Variants in CLP1 observed in about 807,000 individuals in gnomAD.
CLP1 encodes cleavage factor polyribonucleotide kinase subunit 1, also known as polyribonucleotide 5'-hydroxyl-kinase Clp1.
In CLP1, 18 loss-of-function variants were observed where a neutral mutation model predicts 29.9. The observed-to-expected ratio is 0.60, with a 90% CI of 0.42 to 0.89. The LOEUF (loss-of-function observed/expected upper bound fraction) is 0.89. Ranked by LOEUF, CLP1 falls within the 40% of genes least tolerant of loss-of-function variation. CLP1 has a pLI of 0.00. For missense variants in CLP1, 357 were observed against 544.8 expected (o/e 0.66, Z 3.43); for synonymous variants, 162 against 206.2 (o/e 0.79, Z 1.84).
In CLP1 at chr11:57,661,574, T is replaced by C; in HGVS notation, c.*138T>C. On this transcript the variant is annotated 3_prime_UTR_variant, in exon 3 of 3. Coordinates refer to ENST00000533682, the MANE Select transcript of CLP1 (RefSeq NM_006831.3). ...TAGTAGAAAGTTCATATTCTACCTC[T>C]AAAAACAGGTAGTGGTAACCTGACT... 1 of 669,640 alleles carries C rather than the reference T, an allele frequency of 1.5e-6. No individual in the cohort carries two copies. Among genetic ancestry groups the C allele is most frequent in the Admixed American group, 3.0e-5 (1 of 33,410 alleles). The allele number at this position is 669,640 out of a possible 1,614,324, so 41.5% of individuals were successfully genotyped here. A position where few individuals can be genotyped will look rare whatever the true frequency, so the allele number is the denominator to read the frequency against.
At chr11:57,658,637 TA>T (rs1945844001) in intron 1 of CLP1, among the ~76,000 whole-genome samples, 2 of 151,948 alleles carry the variant, frequency 1.3e-5, no homozygotes, top group Admixed American at 6.6e-5. Flanking sequence ...TATTTTATTT[TA>T]TTTTTTTTTG....
Position 57,661,063 on chromosome 11 carries a change from G to A in CLP1, c.905G>A (p.Arg302His), listed in dbSNP as rs758021571. Residue 302 changes from arginine to histidine, a missense_variant, in exon 3 of 3, where the codon CGT (arginine) becomes CAT (histidine). Coordinates refer to ENST00000533682, the MANE Select transcript of CLP1 (RefSeq NM_006831.3). Reference sequence around the variant, plus strand: ...CGGGAATGTAGGGATGAGCGTATCCGTGAGTATTTTTATGGATTCCGAGGC... The same window carrying A: ...CGGGAATGTAGGGATGAGCGTATCCATGAGTATTTTTATGGATTCCGAGGC... ...FRRECRDERI[R>H]EYFYGFRGCF... The A allele has an allele frequency of 3.8e-5, 61 of 1,614,128 alleles. No homozygotes were observed. Among genetic ancestry groups the A allele is most frequent in the South Asian group, 3.3e-5 (3 of 91,090 alleles).
At position 57,657,825 on chromosome 11, in the gene CLP1, C is replaced by T. The variant is rs1360854110; in HGVS notation, c.-58C>T. ...TGGTTTAAATTCTGCACGGGAGGAC[C>T]TTCTGAGTTTACCTGTTGGGCTCCT... On this transcript the variant is annotated 5_prime_UTR_variant, in exon 1 of 3. Transcript: ENST00000533682. The T allele has an allele frequency of 6.6e-6, 1 of 152,362 alleles. No homozygotes were observed. Among genetic ancestry groups the T allele is most frequent in the Non-Finnish European group, 1.5e-5 (1 of 68,156 alleles). 9.4% of individuals were successfully genotyped at this position (152,362 alleles called of 1,614,324 possible).
At chr11:57,660,345 C>A (rs573136689) in intron 2 of CLP1, among the ~76,000 whole-genome samples, 1 of 152,296 alleles carries the variant, frequency 6.6e-6, no homozygotes, top group African/African-American at 2.4e-5. Flanking sequence ...GGTATCAAAA[C>A]TACAGCCATT....
At chr11:57,658,698 C>T (rs1033900369) in intron 1 of CLP1, among the ~76,000 whole-genome samples, 4 of 152,014 alleles carry the variant, frequency 2.6e-5, no homozygotes, top group African/African-American at 4.8e-5. Context: ...GGCATGATCT[C>T]GCCTCACTGC....
In CLP1 at chr11:57,659,471, G is replaced by A; in HGVS notation, c.-6G>A. On this transcript the variant is annotated 5_prime_UTR_variant, in exon 2 of 3. Transcript: ENST00000533682. ...GTGTTCTAGGCACAGCAGCTACACA[G>A]AAGAGATGGGAGAAGAGGCTAATGA... is the stretch of plus-strand genomic sequence containing the variant. The A allele has an allele frequency of 6.2e-7, 1 of 1,614,040 alleles. No individual in the cohort carries two copies. Among genetic ancestry groups the A allele is most frequent in the Non-Finnish European group, 8.5e-7 (1 of 1,179,958 alleles).
In CLP1 at chr11:57,659,698, A is replaced by G. The variant is rs768415101; in HGVS notation, c.222A>G (p.Gln74=). The change falls in exon 2 of 3, where the codon CAA becomes CAG. Residue 74 remains glutamine, a synonymous_variant. Coordinates refer to ENST00000533682, the MANE Select transcript of CLP1 (RefSeq NM_006831.3). ...TCACTTGGCATGGCTGTTCTGTGCA[A>G]CTGAGCGGCCGCACTGAGGTGGCTT... ...AVFTWHGCSV[Q]LSGRTEVAYV... 2 of 1,614,110 alleles carry G rather than the reference A, an allele frequency of 1.2e-6. No individual in the cohort carries two copies. The highest frequency in any genetic ancestry group is 1.7e-5 in the Admixed American group (1 of 59,998).
In CLP1 at chr11:57,661,364, G is replaced by A. The variant is rs747159139; in HGVS notation, c.1206G>A (p.Leu402=). 1.2e-6 allele frequency: 2 copies of A among 1,614,108 alleles called. No individual in the cohort carries two copies. The highest frequency in any genetic ancestry group is 2.2e-5 in the South Asian group (2 of 91,074). The stretch of plus-strand genomic sequence containing the variant: ...TGGAGCATCAGGTGTTTACTGTTCT[G>A]TCTCCAGCCCCTCGCCCACTGCCTA... ...VDLEHQVFTV[L]SPAPRPLPKN... Residue 402 remains leucine (L), a synonymous_variant, in exon 3 of 3, where the codon CTG becomes CTA. Transcript: ENST00000533682.
chr11:57,661,119 T>G lies in CLP1; in HGVS notation c.961T>G (p.Phe321Val). The change falls in exon 3 of 3, where the codon TTT becomes GTT. Residue 321 changes from phenylalanine to valine, a missense_variant. Transcript: ENST00000533682. ...CFYPHAFNVK[F>V]SDVKIYKVGA... ...CTATCCCCATGCCTTCAATGTCAAA[T>G]TTTCAGATGTGAAAATCTACAAAGT... is the stretch of plus-strand genomic sequence containing the variant. 1 of 1,614,192 alleles carries G rather than the reference T, an allele frequency of 6.2e-7. No homozygotes were observed. The highest frequency in any genetic ancestry group is 8.5e-7 in the Non-Finnish European group (1 of 1,180,032).
rs767305155 is a variant in CLP1 at position 57,660,911 on chromosome 11, G to C, written c.753G>C (p.Val251=). ...TGCATGCAGCCTCAGCTTTTGAGGT[G>C]GATGTCGTTGTTGTTCTGGATCAAG... ...ALVHAASAFE[V]DVVVVLDQER... The change falls in exon 3 of 3, where the codon GTG becomes GTC. Residue 251 remains valine (V), a synonymous_variant. Coordinates refer to ENST00000533682, the MANE Select transcript of CLP1 (RefSeq NM_006831.3). The C allele has an allele frequency of 1.3e-5, 21 of 1,614,060 alleles. No individual in the cohort carries two copies. The highest frequency in any genetic ancestry group is 1.8e-5 in the Non-Finnish European group (21 of 1,180,042).
chr11:57,658,994 T>A (rs1945847570), intron 1 of CLP1, among the ~76,000 whole-genome samples: 2 of 152,002 alleles, frequency 1.3e-5, no homozygotes, highest in Admixed American at 1.3e-4. Flanking sequence ...AGGCTGGTCT[T>A]GTACTTCTGA....
rs1043043212 is a variant in CLP1 at position 57,659,305 on chromosome 11, T to C, written c.-22-150T>C. On this transcript the variant is annotated intron_variant, in intron 1 of 2. Coordinates refer to ENST00000533682, the MANE Select transcript of CLP1 (RefSeq NM_006831.3). ...GGTTTCACCATGTTGGCCAGGCTAG[T>C]CTTGAACTCCTGACCTCAAGTGATC... 14 of 677,000 alleles carry C rather than the reference T, an allele frequency of 2.1e-5. No homozygotes were observed. In the East Asian group the frequency reaches 3.0e-4, roughly 14 times the overall value. 41.9% of individuals were successfully genotyped at this position (677,000 alleles called of 1,614,324 possible).
chr11:57,661,115 C>G lies in CLP1; in HGVS notation c.957C>G (p.Val319=), dbSNP rs1945873175. Residue 319 remains valine, a synonymous_variant, in exon 3 of 3, where the codon GTC becomes GTG. Transcript: ENST00000533682. The part of the protein sequence containing the change: ...RGCFYPHAFN[V]KFSDVKIYKV... Reference sequence around the variant, plus strand: ...GTTTCTATCCCCATGCCTTCAATGTCAAATTTTCAGATGTGAAAATCTACA... The same window carrying G: ...GTTTCTATCCCCATGCCTTCAATGTGAAATTTTCAGATGTGAAAATCTACA... 6.2e-7 allele frequency: 1 copy of G among 1,614,188 alleles called. No individual in the cohort carries two copies. The highest frequency in any genetic ancestry group is 8.5e-7 in the Non-Finnish European group (1 of 1,180,042).
At chr11:57,658,080 T>G (rs992273644) in intron 1 of CLP1, among the ~76,000 whole-genome samples, 2 of 152,226 alleles carry the variant, frequency 1.3e-5, no homozygotes, top group Non-Finnish European at 2.9e-5. Flanking sequence ...CCACAATTCC[T>G]GTAAACCCCA....
At position 57,661,062 on chromosome 11, in the gene CLP1, C is replaced by T. The variant is rs750096202; in HGVS notation, c.904C>T (p.Arg302Cys). Residue 302 changes from arginine (R) to cysteine (C), a missense_variant, in exon 3 of 3, where the codon CGT becomes TGT. Arg to Cys is a radical substitution (Grantham distance 180). Coordinates refer to ENST00000533682, the MANE Select transcript of CLP1 (RefSeq NM_006831.3). The part of the protein sequence containing the change: ...FRRECRDERI[R>C]EYFYGFRGCF... ...GCGGGAATGTAGGGATGAGCGTATC[C>T]GTGAGTATTTTTATGGATTCCGAGG... is the stretch of plus-strand genomic sequence containing the variant. 9.3e-6 allele frequency: 15 copies of T among 1,614,078 alleles called. No individual in the cohort carries two copies. The highest frequency in any genetic ancestry group is 2.2e-5 in the East Asian group (1 of 44,904).
intron 1 of CLP1, among the ~76,000 whole-genome samples, chr11:57,658,580 G>A (rs1945843228): frequency 1.3e-5 from 2 of 152,026 alleles, no homozygotes; most frequent in Non-Finnish European, 2.9e-5. Context: ...AGCAAGGTAA[G>A]GGGAAACATT....
chr11:57,660,653 C>CAA, intron 2 of CLP1, 112 bp from the exon 3 acceptor site: 3 of 878,726 alleles, frequency 3.4e-6, no homozygotes, highest in South Asian at 1.9e-5. Context: ...GACTCCATTT[C>CAA]AAAAAAAAAA....
chr11:57,661,266 A>G lies in CLP1; in HGVS notation c.1108A>G (p.Thr370Ala). ...DMVHHLLSVS[T>A]AEGTEENLSE... The stretch of plus-strand genomic sequence containing the variant: ...GGTGCACCACCTACTGAGTGTTAGC[A>G]CTGCCGAGGGTACAGAGGAGAACCT... Residue 370 changes from threonine to alanine, a missense_variant, in exon 3 of 3, where the codon ACT becomes GCT. By Grantham distance (58) the Thr-to-Ala change is moderately conservative (BLOSUM62 0). Transcript: ENST00000533682. The G allele has an allele frequency of 1.9e-6, 3 of 1,614,174 alleles. No homozygotes were observed. The highest frequency in any genetic ancestry group is 2.5e-6 in the Non-Finnish European group (3 of 1,180,030).
In CLP1 at chr11:57,659,605, G is replaced by C; in HGVS notation, c.129G>C (p.Glu43Asp). ...VQLELLTGMA[E>D]IFGTELTRNK... The stretch of plus-strand genomic sequence containing the variant: ...TGGAGTTGTTGACTGGCATGGCAGA[G>C]ATCTTTGGCACAGAGCTGACCCGAA... The change falls in exon 2 of 3, where the codon GAG becomes GAC. Residue 43 changes from glutamate to aspartate, a missense_variant. Physicochemically the swap from Glu to Asp is conservative, Grantham distance 45 (BLOSUM62 2). Coordinates refer to ENST00000533682, the MANE Select transcript of CLP1 (RefSeq NM_006831.3). The C allele has an allele frequency of 3.1e-6, 5 of 1,614,092 alleles. No homozygotes were observed. The highest frequency in any genetic ancestry group is 4.2e-6 in the Non-Finnish European group (5 of 1,180,016).
Sources: gnomAD v4.1 joint callset for allele counts (sites outside exome capture counted in the v4.1 genomes callset) on GRCh38, gnomAD v4.1.1 for gene constraint, MANE v1.5 for transcripts, NCBI Gene and HGNC (gene_info 2026-07-23, HGNC 2026-07-21) for gene names.